The following MACF1 variants were observed in gnomAD, a reference collection of about 807,000 sequenced individuals.
The protein encoded by MACF1 is microtubule-actin cross-linking factor 1.
Under a neutral mutation model 854.8 loss-of-function variants are expected in MACF1, and 193 were observed. That is an observed-to-expected ratio of 0.23 (90% CI 0.20 to 0.25). The LOEUF (loss-of-function observed/expected upper bound fraction) is 0.25, where lower values mean the gene tolerates loss of function less well. Ranked by LOEUF, MACF1 falls within the 10% of genes least tolerant of loss-of-function variation. MACF1 has a pLI of 1.00. For synonymous variants in MACF1, 3,185 were observed against 3,226.7 expected (o/e 0.99, Z 0.44); for missense variants, 7,722 against 8,929.1 (o/e 0.86, Z 5.45).
chr1:39,207,363 C>T (rs1387969896), intron 1 of MACF1, among the ~76,000 whole-genome samples: 3 of 151,590 alleles, frequency 2.0e-5, no homozygotes, highest in African/African-American at 7.3e-5. Context: ...TCACCGCAAG[C>T]TCCGCCTCCC....
At chr1:39,437,565 GCCTC>G in intron 70 of MACF1, 1 of 514,488 alleles carries the variant, frequency 1.9e-6, no homozygotes, top group South Asian at 1.7e-5. Flanking sequence ...ACACACCTCA[GCCTC>G]CCAAAGTGCT....
intron 69 of MACF1, among the ~76,000 whole-genome samples, 189 bp from the exon 70 acceptor site, chr1:39,435,369 T>C (rs1313012845): frequency 1.3e-5 from 2 of 152,172 alleles, no homozygotes; most frequent in East Asian, 1.9e-4. Context: ...AAAAATTAAA[T>C]TGGGTAATGT....
intron 2 of MACF1, among the ~76,000 whole-genome samples, chr1:39,135,037 GTA>G (rs1332291679): frequency 2.0e-5 from 3 of 152,110 alleles, no homozygotes; most frequent in African/African-American, 7.2e-5. Context: ...GAATCATACA[GTA>G]TTTGTCCTTT....
At position 39,238,773 on chromosome 1, in the gene MACF1, A is replaced by G. The variant is rs139413195; in HGVS notation, c.171+7530A>G. 5.7e-3 allele frequency among the ~76,000 whole-genome samples: 875 copies of G among 152,316 alleles called. 9 individuals carry two copies. The highest frequency in any genetic ancestry group is 0.02 in the African/African-American group (842 of 41,560). ...ATTTTTCATCTCTTCCCAGGCCCCC[A>G]GCCTTACAGTTTCAATAACATTTGC... On this transcript the variant is annotated intron_variant, in intron 2 of 100. Coordinates refer to ENST00000564288, the MANE Select transcript of MACF1 (RefSeq NM_001394062.1).
At chr1:39,412,132 G>C in intron 58 of MACF1, 1 of 1,613,996 alleles carries the variant, frequency 6.2e-7, no homozygotes, top group African/African-American at 1.3e-5. Context: ...CATTGCTTCT[G>C]AGCTGGCCAA....
At chr1:39,246,875 C>T (rs898660978) in intron 2 of MACF1, among the ~76,000 whole-genome samples, 8 of 150,754 alleles carry the variant, frequency 5.3e-5, no homozygotes, top group African/African-American at 1.9e-4. Flanking sequence ...GTTAAATTTT[C>T]AGCAATTTTG....
At chr1:39,255,518 A>C (rs1645086885) in intron 5 of MACF1, among the ~76,000 whole-genome samples, 1 of 152,202 alleles carries the variant, frequency 6.6e-6, no homozygotes, top group Non-Finnish European at 1.5e-5. Context: ...TTCATTTTTG[A>C]CACTCATATC....
At chr1:39,258,233 A>G (rs905981909) in intron 6 of MACF1, among the ~76,000 whole-genome samples, 1 of 152,242 alleles carries the variant, frequency 6.6e-6, no homozygotes, top group Non-Finnish European at 1.5e-5. Context: ...TATTTGCTTA[A>G]TTAAATGGAG....
chr1:39,119,064 A>C (rs1642619583), intron 2 of MACF1, among the ~76,000 whole-genome samples: 1 of 152,174 alleles, frequency 6.6e-6, no homozygotes, highest in African/African-American at 2.4e-5. Flanking sequence ...CACACCTGTA[A>C]TCCCAGCACT....
chr1:39,442,111 T>G, intron 75 of MACF1, 36 bp from the exon 76 acceptor site: 1 of 1,592,750 alleles, frequency 6.3e-7, no homozygotes, highest in East Asian at 2.2e-5. Context: ...TTTTAAAGGC[T>G]TGATTTGATG....
At chr1:39,482,479 G>A (rs116126130) in intron 99 of MACF1, among the ~76,000 whole-genome samples, 2 of 152,264 alleles carry the variant, frequency 1.3e-5, no homozygotes, top group Non-Finnish European at 2.9e-5. Flanking sequence ...GCATGCTGTA[G>A]CATGTGGCAT....
At chr1:39,331,055 A>G in intron 36 of MACF1, 148 bp from the exon 37 acceptor site, 2 of 1,173,482 alleles carry the variant, frequency 1.7e-6, no homozygotes, top group Middle Eastern at 6.1e-4. Context: ...TGCCTTGGGC[A>G]GATTATAGGC....
intron 2 of MACF1, among the ~76,000 whole-genome samples, chr1:39,235,826 C>T (rs1343619989): frequency 6.6e-6 from 1 of 152,170 alleles, no homozygotes; most frequent in East Asian, 1.9e-4. Flanking sequence ...CCTCCAACTC[C>T]CGGGCTCAAG....
rs374695144 is a variant in MACF1, at chr1:39,387,469, A to G, written c.14627A>G (p.Gln4876Arg). Reference sequence around the variant, plus strand: ...GAAGAGAAAAGGACTCTACAAAACCAGTTGGTTGAGCTCAAAAACCATTGG... The same window carrying G: ...GAAGAGAAAAGGACTCTACAAAACCGGTTGGTTGAGCTCAAAAACCATTGG... ...PGEEKRTLQN[Q>R]LVELKNHWEE... Residue 4876 changes from glutamine to arginine, a missense_variant, in exon 58 of 101, where the codon CAG (glutamine) becomes CGG (arginine). Gln to Arg is a conservative substitution (Grantham distance 43). Coordinates refer to ENST00000564288, the MANE Select transcript of MACF1 (RefSeq NM_001394062.1). 1.9e-6 allele frequency: 3 copies of G among 1,614,008 alleles called. No homozygotes were observed. The African/African-American group carries it at 4.0e-5, about 22-fold the overall frequency.
chr1:39,288,283 G>A (rs916376975), intron 15 of MACF1, among the ~76,000 whole-genome samples: 29 of 152,246 alleles, frequency 1.9e-4, no homozygotes, highest in African/African-American at 7.0e-4. Flanking sequence ...TGGATCACAA[G>A]CTCAGGAGAT....
Position 39,385,527 on chromosome 1 carries a change from C to T in MACF1, c.13942C>T (p.Leu4648=). The T allele has an allele frequency of 6.2e-7, 1 of 1,614,176 alleles. No homozygotes were observed. Among genetic ancestry groups the T allele is most frequent in the Non-Finnish European group, 8.5e-7 (1 of 1,180,032 alleles). Residue 4648 remains leucine (L), a synonymous_variant, in exon 57 of 101, where the codon CTG becomes TTG. Coordinates refer to ENST00000564288, the MANE Select transcript of MACF1 (RefSeq NM_001394062.1). ...GILTGPGDVS[L]STSQVQKELQ... ...CCTAACAGGCCCTGGAGATGTCTCTCTGTCCACCAGCCAAGTACAGAAAGA... is the reference window on the plus strand; with the variant it reads ...CCTAACAGGCCCTGGAGATGTCTCTTTGTCCACCAGCCAAGTACAGAAAGA...
intron 2 of MACF1, among the ~76,000 whole-genome samples, chr1:39,140,882 T>A (rs1643325777): frequency 8.8e-6 from 1 of 113,040 alleles, no homozygotes; most frequent in Non-Finnish European, 1.6e-5. Flanking sequence ...ACCACTGCAC[T>A]CCAGCCTGGG....
chr1:39,243,908 A>T (rs1644952212), intron 2 of MACF1, among the ~76,000 whole-genome samples: 1 of 151,974 alleles, frequency 6.6e-6, no homozygotes, highest in South Asian at 2.1e-4. Context: ...AAAATTCCTG[A>T]CACAGAAGCA....
chr1:39,381,378 T>TTGG (rs1553330389), intron 55 of MACF1, among the ~76,000 whole-genome samples: 95 of 102,000 alleles, frequency 9.3e-4, no homozygotes, highest in East Asian at 2.0e-3. Context: ...TTTTTTTTTT[T>TTGG]GGGGGGGGGG....
Sources: gnomAD v4.1 joint callset for allele counts (sites outside exome capture counted in the v4.1 genomes callset) on GRCh38, gnomAD v4.1.1 for gene constraint, MANE v1.5 for transcripts, NCBI Gene and HGNC (gene_info 2026-07-23, HGNC 2026-07-21) for gene names.